DNAH12: variants seen among roughly 807,000 people sequenced by gnomAD.
DNAH12 encodes dynein axonemal heavy chain 12, also known as axonemal beta dynein heavy chain 12.
Under a neutral mutation model 371.5 loss-of-function variants are expected in DNAH12, and 285 were observed. That is an observed-to-expected ratio of 0.77 (90% CI 0.70 to 0.85). The LOEUF is 0.85. Among genes scored for constraint, DNAH12 ranks in the 40% least tolerant of loss-of-function variants. DNAH12 has a pLI of 0.00. For missense variants in DNAH12, 3,611 were observed against 3,689.4 expected, an observed-to-expected ratio of 0.98 and a Z score of 0.55; for synonymous variants, 1,200 against 1,213.0, an observed-to-expected ratio of 0.99 and a Z score of 0.22.
At chr3:57,421,752 G>A (rs555643948) in intron 35 of DNAH12, 46 bp from the exon 36 acceptor site, 5 of 1,546,642 alleles carry the variant, frequency 3.2e-6, no homozygotes, top group African/African-American at 1.4e-5. Flanking sequence ...ATTTTAAAAG[G>A]CATTTTAGGA....
chr3:57,315,782 G>A (rs1207472531), intron 65 of DNAH12, among the ~76,000 whole-genome samples: 1 of 152,188 alleles, frequency 6.6e-6, no homozygotes. Flanking sequence ...GGGACAAGTG[G>A]TCTCTGAATA....
At chr3:57,352,059 A>C in intron 60 of DNAH12, 26 bp downstream of exon 60, 2 of 1,490,434 alleles carry the variant, frequency 1.3e-6, no homozygotes, top group Non-Finnish European at 1.8e-6. Context: ...AAAATAAATA[A>C]ATTATGGTAA....
intron 37 of DNAH12, among the ~76,000 whole-genome samples, chr3:57,415,789 CTTTTTTTTTT>C (rs11326189): frequency 3.4e-5 from 4 of 119,400 alleles, no homozygotes; most frequent in Non-Finnish European, 6.7e-5. Flanking sequence ...ATTTTTTATT[CTTTTTTTTTT>C]TTTTTTTGAG....
At chr3:57,441,540 T>C (rs2218627) in intron 29 of DNAH12, among the ~76,000 whole-genome samples, 5,411 of 152,234 alleles carry the variant, frequency 0.036, 93 homozygotes, top group African/African-American at 0.045. Flanking sequence ...AGTACAGTGG[T>C]TCATGCCTGT....
chr3:57,514,377 G>A (rs531600697), intron 4 of DNAH12, among the ~76,000 whole-genome samples: 2 of 147,768 alleles, frequency 1.4e-5, no homozygotes, highest in Admixed American at 6.8e-5. Flanking sequence ...CTCGGTGACA[G>A]AGTAAGACTC....
In DNAH12 at chr3:57,544,254, C is replaced by T. The variant is rs938762184; in HGVS notation, c.-91G>A. On this transcript the variant is annotated 5_prime_UTR_variant, in exon 1 of 74. Coordinates refer to ENST00000495027, the MANE Select transcript of DNAH12 (RefSeq NM_001366028.2). Reference sequence around the variant, plus strand: ...GACGCCAGAGAGAGAGAGAGACAGTCAGAGCCTCTCCTCAGGTGAAAGGCA... The same window carrying T: ...GACGCCAGAGAGAGAGAGAGACAGTTAGAGCCTCTCCTCAGGTGAAAGGCA... 7 of 152,206 alleles carry T rather than the reference C, an allele frequency of 4.6e-5. No homozygotes were observed. Among genetic ancestry groups the T allele is most frequent in the Non-Finnish European group, 2.9e-5 (2 of 68,068 alleles). 9.4% of individuals were successfully genotyped at this position (152,206 alleles called of 1,614,324 possible).
At chr3:57,425,280 C>G in intron 34 of DNAH12, 139 bp from the exon 35 acceptor site, 1 of 374,558 alleles carries the variant, frequency 2.7e-6, no homozygotes, top group South Asian at 2.8e-5. Flanking sequence ...TGGGATCTCA[C>G]TCTGTCATCC....
At position 57,322,889 on chromosome 3, in the gene DNAH12, C is replaced by CA. The variant is rs1162237736; in HGVS notation, c.10383+117dup. On this transcript the variant is annotated intron_variant, in intron 64 of 73. Transcript: ENST00000495027. The stretch of plus-strand genomic sequence containing the variant: ...AGTTTGCGGTGAGCCGAAATTGCGC[C>CA]ACTGCACTCCAGCCTGGGAGACAGA... 2.2e-6 allele frequency: 3 copies of CA among 1,385,526 alleles called. 1 individual carries two copies. The Middle Eastern group carries it at 6.6e-4, about 307-fold the overall frequency. The allele number at this position is 1,385,526 out of a possible 1,614,324, so 85.8% of individuals were successfully genotyped here.
chr3:57,534,801 G>A (rs573297560), intron 2 of DNAH12, among the ~76,000 whole-genome samples: 1 of 152,210 alleles, frequency 6.6e-6, no homozygotes, highest in East Asian at 1.9e-4. Flanking sequence ...GAGTCACTAT[G>A]CCTGGCCAGT....
intron 62 of DNAH12, among the ~76,000 whole-genome samples, chr3:57,331,609 T>C (rs2062097450): frequency 6.6e-6 from 1 of 152,130 alleles, no homozygotes; most frequent in Non-Finnish European, 1.5e-5. Flanking sequence ...TTGTGAGACT[T>C]TACTAAAACG....
At chr3:57,518,505 G>A (rs1045341728) in intron 4 of DNAH12, among the ~76,000 whole-genome samples, 1 of 151,322 alleles carries the variant, frequency 6.6e-6, no homozygotes, top group African/African-American at 2.4e-5. Flanking sequence ...CAGCCTGGGT[G>A]ACAGAGCAAG....
chr3:57,321,019 G>A (rs987282002), intron 65 of DNAH12, among the ~76,000 whole-genome samples: 37 of 152,150 alleles, frequency 2.4e-4, no homozygotes, highest in Admixed American at 2.2e-3. Flanking sequence ...GCTCAATGTT[G>A]TAATACCCAA....
intron 4 of DNAH12, among the ~76,000 whole-genome samples, chr3:57,516,824 AGTTAT>A (rs145301960): frequency 0.017 from 2,583 of 152,256 alleles, 63 homozygotes; most frequent in African/African-American, 0.058. Context: ...AAGTAAATCA[AGTTAT>A]GTTATCCCCA....
At chr3:57,498,772 G>A (rs2067403299) in intron 11 of DNAH12, among the ~76,000 whole-genome samples, 1 of 152,148 alleles carries the variant, frequency 6.6e-6, no homozygotes, top group African/African-American at 2.4e-5. Flanking sequence ...GGCCGAGGTG[G>A]GCGGATCATG....
intron 39 of DNAH12, among the ~76,000 whole-genome samples, chr3:57,411,742 A>G (rs570244141): frequency 1.3e-5 from 2 of 152,132 alleles, no homozygotes; most frequent in Non-Finnish European, 2.9e-5. Context: ...TATTATGAAG[A>G]TGACAGTCCT....
At chr3:57,521,054 ACT>A (rs1352082198) in intron 4 of DNAH12, among the ~76,000 whole-genome samples, 3 of 108,890 alleles carry the variant, frequency 2.8e-5, no homozygotes, top group African/African-American at 3.6e-5. Context: ...ACAAAGTGAG[ACT>A]CTGTCTCAAA....
chr3:57,488,103 T>C (rs2066994515), intron 12 of DNAH12, among the ~76,000 whole-genome samples: 3 of 152,248 alleles, frequency 2.0e-5, no homozygotes, highest in African/African-American at 7.2e-5. Flanking sequence ...TCCTATTCTA[T>C]GCCAAGCAAG....
At chr3:57,389,842 T>TATATATATATAAA (rs2063578029) in intron 45 of DNAH12, among the ~76,000 whole-genome samples, 2 of 70,476 alleles carry the variant, frequency 2.8e-5, no homozygotes, top group Non-Finnish European at 7.4e-5. Flanking sequence ...ATATATATAA[T>TATATATATATAAA]ACTTTTTTTT....
In DNAH12 at chr3:57,461,086, T is replaced by C. The variant is rs531971731; in HGVS notation, c.2736+403A>G. Among the ~76,000 whole-genome samples the C allele has an allele frequency of 2.6e-5, 4 of 152,286 alleles. 1 individual carries two copies. In the South Asian group the frequency reaches 8.3e-4, roughly 32 times the overall value. ...TTTTTCTCAAGTGAACAATAATTCA[T>C]TAATTACTCTAAAAGATCCTTATGC... On this transcript the variant is annotated intron_variant, in intron 19 of 73. Coordinates refer to ENST00000495027, the MANE Select transcript of DNAH12 (RefSeq NM_001366028.2).
Sources: gnomAD v4.1 joint callset for allele counts (sites outside exome capture counted in the v4.1 genomes callset) on GRCh38, gnomAD v4.1.1 for gene constraint, MANE v1.5 for transcripts, NCBI Gene and HGNC (gene_info 2026-07-23, HGNC 2026-07-21) for gene names.